Variants in SMYD3 observed in about 807,000 individuals in gnomAD.
The protein encoded by SMYD3 is SET and MYND domain containing 3, also known as histone-lysine N-methyltransferase SMYD3.
SMYD3 carries 36 observed loss-of-function variants against 57.7 expected under a neutral mutation model. That is an observed-to-expected ratio of 0.62 (90% CI 0.48 to 0.82). SMYD3 has a LOEUF of 0.82. SMYD3 is among the 40% of genes least tolerant of loss of function. SMYD3 has a pLI of 0.00. For missense variants in SMYD3, 515 were observed against 538.8 expected (o/e 0.96, Z 0.44); for synonymous variants, 211 against 195.0 (o/e 1.08, Z -0.68).
chr1:246,112,756 C>T (rs79057035), intron 5 of SMYD3, among the ~76,000 whole-genome samples: 8,137 of 152,072 alleles, frequency 0.054, 624 homozygotes, highest in African/African-American at 0.17. Flanking sequence ...GGAAAAGAAA[C>T]GAAACTATTT....
intron 5 of SMYD3, among the ~76,000 whole-genome samples, chr1:245,933,785 T>C (rs1209116444): frequency 6.6e-6 from 1 of 152,222 alleles, no homozygotes; most frequent in Non-Finnish European, 1.5e-5. Flanking sequence ...AGGCTTTGTA[T>C]TGTAGCAGCA....
chr1:246,271,639 T>C (rs2064225083), intron 5 of SMYD3, among the ~76,000 whole-genome samples: 1 of 152,226 alleles, frequency 6.6e-6, no homozygotes, highest in South Asian at 2.1e-4. Context: ...GACTTTCCCG[T>C]TGATTCCATT....
chr1:246,374,049 G>C (rs1300474089), intron 1 of SMYD3, among the ~76,000 whole-genome samples: 1 of 152,100 alleles, frequency 6.6e-6, no homozygotes, highest in Non-Finnish European at 1.5e-5. Context: ...CTCTTTCCTA[G>C]CATGAAGAAA....
At chr1:245,858,452 G>A in intron 10 of SMYD3, 44 bp downstream of exon 10, 1 of 1,555,028 alleles carries the variant, frequency 6.4e-7, no homozygotes, top group East Asian at 2.3e-5. Flanking sequence ...TGCCCAACGT[G>A]AAGACGTCCT....
chr1:246,277,748 T>C (rs1289680717), intron 5 of SMYD3, among the ~76,000 whole-genome samples: 1 of 152,196 alleles, frequency 6.6e-6, no homozygotes, highest in Admixed American at 6.5e-5. Flanking sequence ...AGAATCATTA[T>C]GCTAAGTGAA....
At chr1:246,125,810 G>A (rs1001148153) in intron 5 of SMYD3, among the ~76,000 whole-genome samples, 8 of 151,988 alleles carry the variant, frequency 5.3e-5, no homozygotes, top group African/African-American at 9.7e-5. Flanking sequence ...CTTAGATAAC[G>A]ACAGAGAGGA....
intron 5 of SMYD3, among the ~76,000 whole-genome samples, chr1:246,122,636 C>T (rs1023994416): frequency 5.3e-5 from 8 of 152,160 alleles, no homozygotes; most frequent in African/African-American, 1.9e-4. Flanking sequence ...TAATTAAAGA[C>T]CAAATCACAT....
intron 5 of SMYD3, among the ~76,000 whole-genome samples, chr1:245,952,217 G>A (rs1028024501): frequency 2.6e-5 from 4 of 151,974 alleles, no homozygotes; most frequent in African/African-American, 9.7e-5. Context: ...TGTTTGAAGG[G>A]GAAAAAATTA....
intron 5 of SMYD3, among the ~76,000 whole-genome samples, chr1:246,220,501 G>A (rs1005711882): frequency 6.6e-6 from 1 of 152,136 alleles, no homozygotes; most frequent in Non-Finnish European, 1.5e-5. Context: ...GGGGGCCCAG[G>A]AAGGCCCCTG....
intron 10 of SMYD3, among the ~76,000 whole-genome samples, chr1:245,836,497 G>A (rs1393582808): frequency 1.3e-5 from 2 of 152,188 alleles, no homozygotes; most frequent in African/African-American, 2.4e-5. Context: ...CTCAGCCAAA[G>A]GCCACCTAAG....
chr1:245,849,070 C>A (rs2050819107), intron 10 of SMYD3, among the ~76,000 whole-genome samples: 1 of 152,156 alleles, frequency 6.6e-6, no homozygotes, highest in Non-Finnish European at 1.5e-5. Flanking sequence ...CTTCTGTTTT[C>A]CTTGGATACT....
intron 10 of SMYD3, among the ~76,000 whole-genome samples, chr1:245,857,182 A>T (rs1207153302): frequency 6.6e-6 from 1 of 152,168 alleles, no homozygotes; most frequent in Admixed American, 6.5e-5. Context: ...GAAACCATCT[A>T]CAGAAGTCCC....
At chr1:246,008,413 C>A (rs989033796) in intron 5 of SMYD3, among the ~76,000 whole-genome samples, 1 of 152,182 alleles carries the variant, frequency 6.6e-6, no homozygotes, top group Non-Finnish European at 1.5e-5. Context: ...TCCTCTCAGC[C>A]GAGGACTGGC....
At chr1:245,889,928 A>C (rs1394427583) in intron 8 of SMYD3, among the ~76,000 whole-genome samples, 1 of 152,218 alleles carries the variant, frequency 6.6e-6, no homozygotes, top group Non-Finnish European at 1.5e-5. Context: ...ATCCAGAATT[A>C]AATCCATACA....
At chr1:246,297,815 T>G (rs2064822562) in intron 5 of SMYD3, among the ~76,000 whole-genome samples, 1 of 152,148 alleles carries the variant, frequency 6.6e-6, no homozygotes, top group African/African-American at 2.4e-5. Flanking sequence ...GACTTCCATT[T>G]CAGTTCTAAA....
chr1:245,830,245 A>G (rs182258023), intron 10 of SMYD3, among the ~76,000 whole-genome samples: 1 of 152,300 alleles, frequency 6.6e-6, no homozygotes, highest in Admixed American at 6.5e-5. Flanking sequence ...TTTTTAAAGG[A>G]AAGAAGTTTA....
In SMYD3 at chr1:246,203,478, T is replaced by C. The variant is rs1017681534; in HGVS notation, c.531+123723A>G. Among the ~76,000 whole-genome samples, 11 of 152,288 alleles carry C rather than the reference T, an allele frequency of 7.2e-5. No homozygotes were observed. Among genetic ancestry groups the C allele is most frequent in the African/African-American group, 2.4e-4 (10 of 41,554 alleles). ...AGTTCTGGAGTCTGGAAGTTCAAGATGAAAGTATCTATAGGTTTGGTTTCC... is the reference window on the plus strand; with the variant it reads ...AGTTCTGGAGTCTGGAAGTTCAAGACGAAAGTATCTATAGGTTTGGTTTCC... On this transcript the variant is annotated intron_variant, in intron 5 of 11. Coordinates refer to ENST00000490107, the MANE Select transcript of SMYD3 (RefSeq NM_001167740.2). This position sits in a 1 kb window ranked among gnomAD's most constrained non-coding sequence, Gnocchi z 4.6.
At chr1:245,870,922 C>T (rs951856619) in intron 8 of SMYD3, among the ~76,000 whole-genome samples, 4 of 152,070 alleles carry the variant, frequency 2.6e-5, no homozygotes, top group Admixed American at 2.6e-4. Context: ...TGTTGAAACT[C>T]GTATGCTGGG....
chr1:245,919,542 G>A (rs2055708031), intron 7 of SMYD3, among the ~76,000 whole-genome samples: 1 of 152,198 alleles, frequency 6.6e-6, no homozygotes, highest in Non-Finnish European at 1.5e-5. Context: ...TGCCAATGAA[G>A]TCTGCAGAAT....
Sources: gnomAD v4.1 joint callset for allele counts (sites outside exome capture counted in the v4.1 genomes callset) on GRCh38, gnomAD v4.1.1 for gene constraint, Gnocchi (gnomAD v3.1) non-coding constraint, MANE v1.5 for transcripts, NCBI Gene and HGNC (gene_info 2026-07-23, HGNC 2026-07-21) for gene names.